CYLD: variants seen among roughly 807,000 people sequenced by gnomAD.
CYLD encodes the protein CYLD lysine 63 deubiquitinase, also known as ubiquitin carboxyl-terminal hydrolase CYLD.
In CYLD, 26 loss-of-function variants were observed where a neutral mutation model predicts 104.5. That is an observed-to-expected ratio of 0.25 (90% CI 0.18 to 0.35). CYLD has a LOEUF of 0.35. Among genes scored for constraint, CYLD ranks in the 10% least tolerant of loss-of-function variants. The pLI, the probability that CYLD is intolerant of heterozygous loss-of-function variation, is 1.00. For missense variants in CYLD, 703 were observed against 1,136.1 expected, an observed-to-expected ratio of 0.62 and a Z score of 5.48; for synonymous variants, 385 against 399.9, an observed-to-expected ratio of 0.96 and a Z score of 0.45.
chr16:50,745,680 A>G (rs1387773273), intron 2 of CYLD, among the ~76,000 whole-genome samples: 5 of 151,832 alleles, frequency 3.3e-5, no homozygotes, highest in Admixed American at 2.0e-4. Flanking sequence ...TTCAGCCTCC[A>G]AAGTGCTGGG....
intron 5 of CYLD, among the ~76,000 whole-genome samples, chr16:50,755,031 A>G: frequency 1.1e-5 from 1 of 95,158 alleles, no homozygotes; most frequent in Non-Finnish European, 2.2e-5. Flanking sequence ...ATACATATAT[A>G]TGTATATATA....
rs1490128383 is a variant in CYLD at position 50,782,333 on chromosome 16, G to A, written c.1693G>A (p.Gly565Ser). The A allele has an allele frequency of 6.2e-7, 1 of 1,606,192 alleles. No individual in the cohort carries two copies. The highest frequency in any genetic ancestry group is 8.5e-7 in the Non-Finnish European group (1 of 1,174,272). Reference protein sequence around the residue: ...IERCNSLAFGGYLSEVVEENT... With the variant: ...IERCNSLAFGSYLSEVVEENT... Reference sequence around the variant, plus strand: ...TAAAAAAATCTTTTCAGCATTTGGAGGCTACTTAAGTGAAGTAGTAGAAGA... The same window carrying A: ...TAAAAAAATCTTTTCAGCATTTGGAAGCTACTTAAGTGAAGTAGTAGAAGA... Residue 565 changes from glycine to serine, a missense_variant, in exon 11 of 19, where the codon GGC becomes AGC. Coordinates refer to ENST00000427738, the MANE Select transcript of CYLD (RefSeq NM_001378743.1).
chr16:50,789,973 G>A (rs537578792), intron 14 of CYLD, among the ~76,000 whole-genome samples: 2 of 152,276 alleles, frequency 1.3e-5, no homozygotes, highest in African/African-American at 4.8e-5. Context: ...AAAGTACCCA[G>A]AATGTTGCAC....
At chr16:50,790,576 G>T (rs1971332912) in intron 14 of CYLD, among the ~76,000 whole-genome samples, 1 of 151,706 alleles carries the variant, frequency 6.6e-6, no homozygotes, top group African/African-American at 2.4e-5. Flanking sequence ...CAGGTTTTTT[G>T]ATTATCATCT....
At chr16:50,788,088 C>T (rs955499199) in intron 14 of CYLD, among the ~76,000 whole-genome samples, 8 of 152,026 alleles carry the variant, frequency 5.3e-5, no homozygotes, top group African/African-American at 9.7e-5. Context: ...TTAACCCTAG[C>T]GATAAGTATT....
rs1176752828 is a variant in CYLD, at chr16:50,749,767, G to A, written c.69G>A (p.Leu23=). The change falls in exon 3 of 19, where the codon TTG becomes TTA. Residue 23 remains leucine, a synonymous_variant. Transcript: ENST00000427738. ...SPYWEERIFY[L]LLQECSVTDK... Reference sequence around the variant, plus strand: ...ACTGGGAAGAGCGGATTTTTTACTTGCTTCTTCAAGAATGCAGCGTTACAG... The same window carrying A: ...ACTGGGAAGAGCGGATTTTTTACTTACTTCTTCAAGAATGCAGCGTTACAG... The A allele has an allele frequency of 6.2e-7, 1 of 1,613,734 alleles. No individual in the cohort carries two copies. Among genetic ancestry groups the A allele is most frequent in the Admixed American group, 1.7e-5 (1 of 59,944 alleles).
At chr16:50,768,084 T>C (rs965855920) in intron 5 of CYLD, among the ~76,000 whole-genome samples, 2 of 152,220 alleles carry the variant, frequency 1.3e-5, no homozygotes, top group African/African-American at 4.8e-5. Context: ...ATTGTCATTA[T>C]TGCTGGCTCA....
chr16:50,793,920 A>ATTTT (rs34233862), intron 17 of CYLD, among the ~76,000 whole-genome samples: 5 of 131,086 alleles, frequency 3.8e-5, no homozygotes, highest in African/African-American at 5.8e-5. Flanking sequence ...CATTAATGAC[A>ATTTT]TTTTTTTTTT....
rs1972317169 is a variant in CYLD at position 50,799,596 on chromosome 16, C to T, written c.*3088C>T. On this transcript the variant is annotated 3_prime_UTR_variant, in exon 19 of 19. Coordinates refer to ENST00000427738, the MANE Select transcript of CYLD (RefSeq NM_001378743.1). ...GCTGTAGATAAATGGCCAGATTCTT[C>T]CTATCCCTAGGATTCCTTTATTATT... The T allele has an allele frequency of 4.3e-6, 1 of 233,510 alleles. No individual in the cohort carries two copies. The highest frequency in any genetic ancestry group is 2.2e-5 in the African/African-American group (1 of 45,300). The allele number at this position is 233,510 out of a possible 1,614,324, so 14.5% of individuals were successfully genotyped here.
rs1282335550 is a variant in CYLD, at chr16:50,787,568, A to G, written c.2042-218A>G. On this transcript the variant is annotated intron_variant, in intron 13 of 18. Transcript: ENST00000427738. ...TGTTACACCCTTTCAAATGTAATAA[A>G]CTCACAACAAAATTGAAACATAATA... 12 of 482,724 alleles carry G rather than the reference A, an allele frequency of 2.5e-5. No individual in the cohort carries two copies. The Admixed American group carries it at 3.6e-4, about 14-fold the overall frequency. 29.9% of individuals were successfully genotyped at this position (482,724 alleles called of 1,614,324 possible). A position where few individuals can be genotyped will look rare whatever the true frequency, so the allele number is the denominator to read the frequency against.
At chr16:50,766,805 A>T (rs2150956805) in intron 5 of CYLD, among the ~76,000 whole-genome samples, 1 of 152,360 alleles carries the variant, frequency 6.6e-6, no homozygotes, top group Admixed American at 6.5e-5. Context: ...GTGGAGCCTG[A>T]AAATGTACTT....
intron 4 of CYLD, 32 bp downstream of exon 4, chr16:50,751,938 A>T: frequency 7.9e-7 from 1 of 1,261,362 alleles, no homozygotes; most frequent in Non-Finnish European, 1.1e-6. Flanking sequence ...TATCTTTGTG[A>T]TATATATATT....
At chr16:50,757,076 G>T (rs1430175727) in intron 5 of CYLD, among the ~76,000 whole-genome samples, 4 of 151,992 alleles carry the variant, frequency 2.6e-5, no homozygotes, top group Non-Finnish European at 4.4e-5. Flanking sequence ...CTATAGCAAG[G>T]ATCACAATTG....
chr16:50,766,773 A>G (rs1179214857), intron 5 of CYLD, among the ~76,000 whole-genome samples: 1 of 152,216 alleles, frequency 6.6e-6, no homozygotes, highest in Non-Finnish European at 1.5e-5. Flanking sequence ...TGGTGGAAGT[A>G]GCAAAAGAGC....
At position 50,777,865 on chromosome 16, in the gene CYLD, A is replaced by G; in HGVS notation, c.1062A>G (p.Leu354=). ...CTGGAAATAGAAACAGATCTGAATTATTTTATACCTTAAATGGGTCTTCTG... is the reference window on the plus strand; with the variant it reads ...CTGGAAATAGAAACAGATCTGAATTGTTTTATACCTTAAATGGGTCTTCTG... ...SDPGNRNRSE[L]FYTLNGSSVD... Residue 354 remains leucine, a synonymous_variant, in exon 8 of 19, where the codon TTA becomes TTG. Coordinates refer to ENST00000427738, the MANE Select transcript of CYLD (RefSeq NM_001378743.1). 1 of 1,608,538 alleles carries G rather than the reference A, an allele frequency of 6.2e-7. No individual in the cohort carries two copies. Among genetic ancestry groups the G allele is most frequent in the Non-Finnish European group, 8.5e-7 (1 of 1,175,400 alleles).
intron 2 of CYLD, among the ~76,000 whole-genome samples, chr16:50,744,355 T>G (rs1965997666): frequency 6.6e-6 from 1 of 152,230 alleles, no homozygotes; most frequent in African/African-American, 2.4e-5. Context: ...CAACTTTGTC[T>G]TTTAGTGAGA....
chr16:50,767,282 T>G (rs1968618219), intron 5 of CYLD, among the ~76,000 whole-genome samples: 1 of 152,206 alleles, frequency 6.6e-6, no homozygotes. Flanking sequence ...TACATTATTT[T>G]CAATAACATA....
At chr16:50,758,577 G>A (rs1000486296) in intron 5 of CYLD, among the ~76,000 whole-genome samples, 4 of 152,162 alleles carry the variant, frequency 2.6e-5, no homozygotes, top group African/African-American at 9.7e-5. Context: ...ATCCACGTGA[G>A]AGACGGTGGT....
At chr16:50,783,625 A>C (rs1405910971) in intron 11 of CYLD, among the ~76,000 whole-genome samples, 1 of 151,422 alleles carries the variant, frequency 6.6e-6, no homozygotes, top group Non-Finnish European at 1.5e-5. Flanking sequence ...TGGAACCTCC[A>C]CCTCCCGGGT....
Sources: allele counts gnomAD v4.1 joint callset (sites outside exome capture counted in the v4.1 genomes callset), GRCh38; gene constraint gnomAD v4.1.1; transcripts MANE v1.5; gene names NCBI Gene and HGNC (gene_info 2026-07-23, HGNC 2026-07-21).